Variants in ZNF609 observed in about 807,000 individuals in gnomAD.
ZNF609 encodes the protein zinc finger protein 609.
In ZNF609, 11 loss-of-function variants were observed where a neutral mutation model predicts 109.5. The observed-to-expected ratio is 0.10, with a 90% CI of 0.06 to 0.17. The LOEUF (loss-of-function observed/expected upper bound fraction) is 0.17, where lower values mean the gene tolerates loss of function less well. ZNF609 is among the 10% of genes least tolerant of loss of function. The pLI is 1.00. For missense variants in ZNF609, 1,559 were observed against 1,772.4 expected (o/e 0.88, Z 2.16); for synonymous variants, 646 against 662.0 (o/e 0.98, Z 0.37).
At chr15:64,554,261 G>A (rs1306224525) in intron 2 of ZNF609, among the ~76,000 whole-genome samples, 5 of 152,070 alleles carry the variant, frequency 3.3e-5, no homozygotes, top group African/African-American at 1.2e-4. Context: ...TATTCCTGGC[G>A]TGTTGAGTGT....
At chr15:64,633,494 T>G (rs1308285677) in intron 3 of ZNF609, among the ~76,000 whole-genome samples, 1 of 151,858 alleles carries the variant, frequency 6.6e-6, no homozygotes, top group Admixed American at 6.6e-5. Flanking sequence ...TGCTCAGGCT[T>G]GTCTTCAACT....
intron 1 of ZNF609, among the ~76,000 whole-genome samples, chr15:64,496,004 A>G (rs1352953836): frequency 2.6e-5 from 4 of 151,972 alleles, no homozygotes; most frequent in African/African-American, 4.8e-5. Flanking sequence ...TTATTAGTAG[A>G]GATGAGGTTT....
intron 1 of ZNF609, among the ~76,000 whole-genome samples, chr15:64,461,221 G>T (rs886652561): frequency 8.5e-6 from 1 of 118,158 alleles, no homozygotes; most frequent in Non-Finnish European, 1.9e-5. Flanking sequence ...TGGCGGGGGA[G>T]GGGGGGCGGG....
rs1893541204 is a variant in ZNF609, at chr15:64,500,144, T to C, written c.725T>C (p.Leu242Pro). The change falls in exon 2 of 10, where the codon CTA becomes CCA. Residue 242 changes from leucine to proline, a missense_variant. Leu to Pro is a moderately conservative substitution (Grantham distance 98). This residue lies in a region of ZNF609 where 291 missense variants were observed against 317.8 expected (regional missense o/e 0.92). Transcript: ENST00000326648. ...GAAGGGGAGAATGAGTGTCGCCTGC[T>C]AAAGAAAGTCAAGTCTGAAAAGGTA... ...PEEGENECRL[L>P]KKVKSEKMES... 6.2e-6 allele frequency: 10 copies of C among 1,613,448 alleles called. No homozygotes were observed. The East Asian group carries it at 2.2e-4, about 36-fold the overall frequency.
In ZNF609 at chr15:64,499,740, C is replaced by T. The variant is rs751527994; in HGVS notation, c.321C>T (p.Ser107=). 9.3e-6 allele frequency: 15 copies of T among 1,614,052 alleles called. No homozygotes were observed. Among genetic ancestry groups the T allele is most frequent in the African/African-American group, 1.3e-5 (1 of 75,020 alleles). Residue 107 remains serine, a synonymous_variant, in exon 2 of 10, where the codon TCC becomes TCT. Transcript: ENST00000326648. ...CTAGCAAACCCACTCCAGGGACTTCCCTGTTCACTCCAAGTGAGGGGGCAG... is the reference window on the plus strand; with the variant it reads ...CTAGCAAACCCACTCCAGGGACTTCTCTGTTCACTCCAAGTGAGGGGGCAG... ...KDTSKPTPGT[S]LFTPSEGAAS... is the part of the protein sequence containing the mutation.
intron 2 of ZNF609, among the ~76,000 whole-genome samples, chr15:64,568,827 A>G (rs948986203): frequency 7.2e-5 from 11 of 152,356 alleles, no homozygotes; most frequent in Admixed American, 3.9e-4. Flanking sequence ...TAGAAAGGCC[A>G]TGGACTTAGG....
At chr15:64,661,754 A>C (rs1307540928) in intron 3 of ZNF609, among the ~76,000 whole-genome samples, 1 of 152,090 alleles carries the variant, frequency 6.6e-6, no homozygotes, top group African/African-American at 2.4e-5. Flanking sequence ...TTTGCTGCCA[A>C]CCCAGGAGTG....
intron 2 of ZNF609, among the ~76,000 whole-genome samples, chr15:64,543,065 C>T (rs142235956): frequency 3.0e-4 from 46 of 152,146 alleles, no homozygotes; most frequent in Non-Finnish European, 5.7e-4. Flanking sequence ...ACCTAGATGA[C>T]GGGTTGATAG....
At position 64,545,659 on chromosome 15, in the gene ZNF609, C is replaced by T. The variant is rs542793580; in HGVS notation, c.747+45493C>T. Among the ~76,000 whole-genome samples, 27 of 152,284 alleles carry T rather than the reference C, an allele frequency of 1.8e-4. No homozygotes were observed. In the South Asian group the frequency reaches 3.7e-3, roughly 21 times the overall value. On this transcript the variant is annotated intron_variant, in intron 2 of 9. Transcript: ENST00000326648. Reference sequence around the variant, plus strand: ...TTAATTTCCCCAAGTTCCTTTGTGTCCCTTTACAGTTTTCTCTCCCTGCCC... The same window carrying T: ...TTAATTTCCCCAAGTTCCTTTGTGTTCCTTTACAGTTTTCTCTCCCTGCCC...
At chr15:64,578,521 C>A (rs764490317) in intron 2 of ZNF609, among the ~76,000 whole-genome samples, 11 of 152,010 alleles carry the variant, frequency 7.2e-5, no homozygotes, top group African/African-American at 2.7e-4. Context: ...GGTGAATCCC[C>A]GTCTCTACTA....
At chr15:64,592,029 A>G (rs929325673) in intron 2 of ZNF609, among the ~76,000 whole-genome samples, 3 of 151,974 alleles carry the variant, frequency 2.0e-5, no homozygotes, top group Admixed American at 6.6e-5. Flanking sequence ...CAGCTGGTGG[A>G]ATGTGCCTGT....
chr15:64,475,919 C>G (rs569189341), intron 1 of ZNF609, among the ~76,000 whole-genome samples: 1 of 152,156 alleles, frequency 6.6e-6, no homozygotes, highest in Non-Finnish European at 1.5e-5. Context: ...AACGTAACTT[C>G]CATTCAACAC....
chr15:64,483,890 C>T (rs893484274), intron 1 of ZNF609, among the ~76,000 whole-genome samples: 9 of 152,140 alleles, frequency 5.9e-5, no homozygotes, highest in African/African-American at 2.2e-4. Context: ...GTAGTGACTT[C>T]CCAATGTTAT....
intron 3 of ZNF609, among the ~76,000 whole-genome samples, chr15:64,624,103 C>T (rs891361983): frequency 2.0e-5 from 3 of 152,152 alleles, no homozygotes; most frequent in East Asian, 1.9e-4. Context: ...TAAAGTTTAC[C>T]GTGCAATAGG....
At chr15:64,541,486 T>G (rs1894261892) in intron 2 of ZNF609, among the ~76,000 whole-genome samples, 1 of 150,274 alleles carries the variant, frequency 6.7e-6, no homozygotes, top group Non-Finnish European at 1.5e-5. Context: ...GGCAGAGTGG[T>G]ACACTTGCTA....
intron 1 of ZNF609, among the ~76,000 whole-genome samples, chr15:64,498,273 C>A (rs1893511926): frequency 6.6e-6 from 1 of 152,122 alleles, no homozygotes; most frequent in African/African-American, 2.4e-5. Context: ...TGATCTTGAA[C>A]TCCTGACCTC....
chr15:64,609,080 C>CTT (rs1895664614), intron 2 of ZNF609, among the ~76,000 whole-genome samples: 1 of 39,936 alleles, frequency 2.5e-5, no homozygotes, highest in South Asian at 6.5e-4. Flanking sequence ...TTCTTTCTTT[C>CTT]TTTCTTTCTT....
chr15:64,616,766 G>A (rs921229833), intron 2 of ZNF609, among the ~76,000 whole-genome samples: 3 of 134,086 alleles, frequency 2.2e-5, no homozygotes, highest in East Asian at 2.4e-4. Flanking sequence ...TGATCCACCC[G>A]CCTCAGCCTC....
intron 2 of ZNF609, among the ~76,000 whole-genome samples, chr15:64,557,599 G>C (rs1051027574): frequency 6.6e-6 from 1 of 152,176 alleles, no homozygotes; most frequent in Non-Finnish European, 1.5e-5. Flanking sequence ...CTTATAATCA[G>C]TGAAGAGCTA....
Sources: gnomAD v4.1 joint callset for allele counts (sites outside exome capture counted in the v4.1 genomes callset) on GRCh38, gnomAD v4.1.1 for gene constraint, gnomAD v4.1.1 regional missense constraint, MANE v1.5 for transcripts, NCBI Gene and HGNC (gene_info 2026-07-23, HGNC 2026-07-21) for gene names.